The following DIAPH3 variants were observed in gnomAD, a reference collection of about 807,000 sequenced individuals.
DIAPH3 encodes the protein diaphanous related formin 3.
A neutral mutation model predicts 144.3 loss-of-function variants in DIAPH3; 117 were observed. The observed-to-expected ratio is 0.81, with a 90% CI of 0.70 to 0.95. The LOEUF is 0.95. DIAPH3 is among the 40% of genes least tolerant of loss of function. The probability of loss-of-function intolerance (pLI) is 0.00; values close to 1 mark genes in which losing one functional copy is unlikely to be tolerated. For synonymous variants in DIAPH3, 519 were observed against 488.9 expected, an observed-to-expected ratio of 1.06 and a Z score of -0.81; for missense variants, 1,421 against 1,412.7, an observed-to-expected ratio of 1.01 and a Z score of -0.09.
chr13:59,665,936 A>G lies in DIAPH3; in HGVS notation c.*648T>C, dbSNP rs138262183. 3 of 152,426 alleles carry G rather than the reference A, an allele frequency of 2.0e-5. No homozygotes were observed. The highest frequency in any genetic ancestry group is 7.2e-5 in the African/African-American group (3 of 41,590). 9.4% of individuals were successfully genotyped at this position (152,426 alleles called of 1,614,324 possible). On this transcript the variant is annotated 3_prime_UTR_variant, in exon 28 of 28. Coordinates refer to ENST00000400324, the MANE Select transcript of DIAPH3 (RefSeq NM_001042517.2). ...CACATGCATTTGGCAAAGAGAGTGC[A>G]TACATTCTTATTGCATCATTTTTCG... is the stretch of plus-strand genomic sequence containing the variant.
chr13:60,156,834 C>T (rs1952042484), intron 1 of DIAPH3, among the ~76,000 whole-genome samples: 1 of 148,538 alleles, frequency 6.7e-6, no homozygotes, highest in South Asian at 2.1e-4. Context: ...AGTGCGTTTT[C>T]TTTTTCTCCC....
chr13:59,933,642 G>A (rs1034226358), intron 17 of DIAPH3, among the ~76,000 whole-genome samples: 1 of 152,142 alleles, frequency 6.6e-6, no homozygotes, highest in Non-Finnish European at 1.5e-5. Context: ...TCCTAGAGAT[G>A]CTGTGTAAGG....
At chr13:59,718,432 G>C (rs1045363497) in intron 27 of DIAPH3, among the ~76,000 whole-genome samples, 4 of 152,118 alleles carry the variant, frequency 2.6e-5, no homozygotes, top group Admixed American at 2.6e-4. Context: ...TTTTAATCAA[G>C]GCAAATCATT....
chr13:60,133,069 C>T, intron 1 of DIAPH3, 80 bp from the exon 2 acceptor site: 2 of 949,530 alleles, frequency 2.1e-6, no homozygotes, highest in East Asian at 5.1e-5. Context: ...ATTCAAAATT[C>T]TACAATCCTA....
At chr13:59,720,510 AT>A (rs1368569710) in intron 27 of DIAPH3, among the ~76,000 whole-genome samples, 1 of 152,184 alleles carries the variant, frequency 6.6e-6, no homozygotes, top group Non-Finnish European at 1.5e-5. Context: ...TGTCATAATC[AT>A]TTCTTCTGTA....
intron 13 of DIAPH3, among the ~76,000 whole-genome samples, chr13:59,983,264 C>T (rs1025156999): frequency 4.9e-5 from 7 of 142,926 alleles, no homozygotes; most frequent in African/African-American, 1.8e-4. Flanking sequence ...AACTCAATTA[C>T]ACAAATATTT....
intron 1 of DIAPH3, among the ~76,000 whole-genome samples, chr13:60,145,046 CTT>C (rs1951440259): frequency 6.6e-6 from 1 of 152,206 alleles, no homozygotes; most frequent in Non-Finnish European, 1.5e-5. Flanking sequence ...TTACTGGACA[CTT>C]TGCGATTACT....
chr13:59,760,343 T>C (rs917625081), intron 27 of DIAPH3, among the ~76,000 whole-genome samples: 7 of 152,360 alleles, frequency 4.6e-5, no homozygotes, highest in African/African-American at 1.7e-4. Context: ...ACTCTGTTCA[T>C]GGTTTATCAA....
Position 59,819,397 on chromosome 13 carries a change from C to G in DIAPH3, c.3028-8474G>C, listed in dbSNP as rs575324573. Among the ~76,000 whole-genome samples the G allele has an allele frequency of 1.6e-4, 24 of 151,724 alleles. 1 individual carries two copies. The highest frequency in any genetic ancestry group is 3.1e-4 in the Non-Finnish European group (21 of 67,794). ...TTTCCCTAATTTTCTCACAGGACAG[C>G]CACGTTTTTAAAATAGTTTGTTGTA... On this transcript the variant is annotated intron_variant, in intron 24 of 27. Coordinates refer to ENST00000400324, the MANE Select transcript of DIAPH3 (RefSeq NM_001042517.2).
intron 24 of DIAPH3, among the ~76,000 whole-genome samples, chr13:59,827,127 G>A (rs1426878067): frequency 6.6e-6 from 1 of 152,074 alleles, no homozygotes; most frequent in South Asian, 2.1e-4. Flanking sequence ...CATGGGCAAG[G>A]ACTTCATGTC....
intron 27 of DIAPH3, among the ~76,000 whole-genome samples, chr13:59,712,253 C>T (rs908023281): frequency 6.6e-6 from 1 of 152,220 alleles, no homozygotes; most frequent in African/African-American, 2.4e-5. Context: ...GAACAACCTT[C>T]TAGTTCTCCA....
chr13:59,763,979 T>C (rs2037747233), intron 27 of DIAPH3, among the ~76,000 whole-genome samples: 1 of 151,970 alleles, frequency 6.6e-6, no homozygotes, highest in Non-Finnish European at 1.5e-5. Context: ...GAAAGCCTGT[T>C]CTCTAGACTG....
chr13:59,678,920 G>T (rs1463932161), intron 27 of DIAPH3, among the ~76,000 whole-genome samples: 3 of 152,200 alleles, frequency 2.0e-5, no homozygotes, highest in Non-Finnish European at 4.4e-5. Flanking sequence ...AAAATATGAA[G>T]GGAGTACATG....
chr13:60,115,947 C>T (rs903938086), intron 2 of DIAPH3, among the ~76,000 whole-genome samples: 1 of 152,118 alleles, frequency 6.6e-6, no homozygotes, highest in East Asian at 1.9e-4. Context: ...TACAGTGAAA[C>T]TACCCTTCAT....
intron 18 of DIAPH3, among the ~76,000 whole-genome samples, chr13:59,921,504 A>T (rs2047518854): frequency 1.3e-5 from 2 of 151,998 alleles, no homozygotes; most frequent in East Asian, 3.9e-4. Flanking sequence ...AATCCTAGAA[A>T]CTTATAACTT....
At chr13:60,092,145 T>G (rs1173313804) in intron 4 of DIAPH3, among the ~76,000 whole-genome samples, 2 of 152,002 alleles carry the variant, frequency 1.3e-5, no homozygotes, top group Admixed American at 1.3e-4. Context: ...GAGTCCACTA[T>G]GTAGGTATTC....
At chr13:59,889,897 G>T (rs1339145956) in intron 20 of DIAPH3, among the ~76,000 whole-genome samples, 3 of 152,116 alleles carry the variant, frequency 2.0e-5, no homozygotes, top group Non-Finnish European at 4.4e-5. Context: ...TCCCTGGGGA[G>T]TTCATCAAGA....
chr13:59,947,561 C>T (rs1189345431), intron 17 of DIAPH3, among the ~76,000 whole-genome samples: 1 of 151,996 alleles, frequency 6.6e-6, no homozygotes, highest in Non-Finnish European at 1.5e-5. Context: ...AGAAGAGTTT[C>T]ACATCTTACT....
intron 25 of DIAPH3, among the ~76,000 whole-genome samples, chr13:59,788,999 C>A (rs1159729333): frequency 1.3e-5 from 2 of 152,160 alleles, no homozygotes; most frequent in Non-Finnish European, 2.9e-5. Flanking sequence ...TCTAAAATTA[C>A]TAAAGAAAGC....
Sources: gnomAD v4.1 joint callset for allele counts (sites outside exome capture counted in the v4.1 genomes callset) on GRCh38, gnomAD v4.1.1 for gene constraint, MANE v1.5 for transcripts, NCBI Gene and HGNC (gene_info 2026-07-23, HGNC 2026-07-21) for gene names.